Variants in PCDHA6 observed in about 807,000 individuals in gnomAD.
The protein encoded by PCDHA6 is protocadherin alpha 6.
In PCDHA6, 55 loss-of-function variants were observed where a neutral mutation model predicts 60.3. The ratio of observed to expected loss-of-function variants is 0.91; its 90% CI spans 0.73 to 1.14. PCDHA6 has a LOEUF of 1.14. Among genes scored for constraint, PCDHA6 ranks in the 50% most tolerant of loss-of-function variants. The probability of loss-of-function intolerance (pLI) is 0.00; values close to 1 mark genes in which losing one functional copy is unlikely to be tolerated. For missense variants in PCDHA6, 1,327 were observed against 1,256.5 expected, an observed-to-expected ratio of 1.06 and a Z score of -0.85; for synonymous variants, 652 against 557.9, an observed-to-expected ratio of 1.17 and a Z score of -2.38.
At chr5:140,950,237 ATTTG>A (rs782102459) in intron 1 of PCDHA6, among the ~76,000 whole-genome samples, 1 of 151,954 alleles carries the variant, frequency 6.6e-6, no homozygotes, top group Non-Finnish European at 1.5e-5. Flanking sequence ...AGTGCCATTA[ATTTG>A]TTCCTAAAGA....
chr5:140,928,000 G>C, intron 1 of PCDHA6: 1 of 1,614,166 alleles, frequency 6.2e-7, no homozygotes. Flanking sequence ...TGAAGACCTC[G>C]ATTCTAATGG....
rs1205846373 is a variant in PCDHA6 at position 140,858,213 on chromosome 5, C to T, written c.2394+27728C>T. Reference sequence around the variant, plus strand: ...CTGCTGTACACTGCACTGAGGTGCTCGGCGGCGCCCACCGAGGGCGCATGT... The same window carrying T: ...CTGCTGTACACTGCACTGAGGTGCTTGGCGGCGCCCACCGAGGGCGCATGT... On this transcript the variant is annotated intron_variant, in intron 1 of 3. Coordinates refer to ENST00000529310, the MANE Select transcript of PCDHA6 (RefSeq NM_018909.4). 13 of 1,594,002 alleles carry T rather than the reference C, an allele frequency of 8.2e-6. 3 individuals are homozygous for T. Among genetic ancestry groups the T allele is most frequent in the Non-Finnish European group, 1.1e-5 (13 of 1,165,570 alleles).
intron 1 of PCDHA6, among the ~76,000 whole-genome samples, chr5:140,846,576 A>G (rs1780570619): frequency 6.7e-6 from 1 of 148,418 alleles, no homozygotes; most frequent in African/African-American, 2.5e-5. Context: ...GGGTTTCACC[A>G]TGTTAGCCAG....
chr5:140,854,720 C>G (rs2043201249), intron 1 of PCDHA6: 1 of 149,654 alleles, frequency 6.7e-6, no homozygotes, highest in African/African-American at 2.4e-5. Flanking sequence ...AGACAGAAAA[C>G]TCAAGTTTTT....
chr5:140,869,589 T>A, intron 1 of PCDHA6: 1 of 1,614,120 alleles, frequency 6.2e-7, no homozygotes. Context: ...ATGCTGACAT[T>A]GAAGAGAATG....
chr5:140,852,064 C>G, intron 1 of PCDHA6: 1 of 904,052 alleles, frequency 1.1e-6, no homozygotes, highest in Non-Finnish European at 1.3e-6. Flanking sequence ...ATTTTTCTTT[C>G]TCTTTCAGCT....
At chr5:140,876,155 T>A in intron 1 of PCDHA6, 1 of 1,613,994 alleles carries the variant, frequency 6.2e-7, no homozygotes, top group Non-Finnish European at 8.5e-7. Context: ...TCTGTCCAGA[T>A]TCAAATAACC....
intron 1 of PCDHA6, among the ~76,000 whole-genome samples, chr5:140,921,611 A>C (rs781805165): frequency 6.6e-6 from 1 of 152,224 alleles, no homozygotes; most frequent in Non-Finnish European, 1.5e-5. Context: ...AATAAGAAAA[A>C]TATCATCAGA....
At chr5:140,882,644 A>T in intron 1 of PCDHA6, 1 of 1,614,256 alleles carries the variant, frequency 6.2e-7, no homozygotes. Flanking sequence ...GGTGAGGGAC[A>T]TTAACGACAA....
At position 140,828,843 on chromosome 5, in the gene PCDHA6, T is replaced by C. The variant is rs145020293; in HGVS notation, c.752T>C (p.Ile251Thr). The change falls in exon 1 of 4, where the codon ATA becomes ACA. Residue 251 changes from isoleucine to threonine, a missense_variant. Transcript: ENST00000529310. ...TFEQSEYEVR[I>T]FENADNGTTV... ...GAACAGTCTGAATACGAAGTAAGAA[T>C]ATTCGAAAATGCAGACAACGGAACA... 84 of 1,614,196 alleles carry C rather than the reference T, an allele frequency of 5.2e-5. No homozygotes were observed. Among genetic ancestry groups the C allele is most frequent in the Non-Finnish European group, 6.9e-5 (81 of 1,180,038 alleles).
At chr5:140,949,271 TGAAAA>T (rs1377326965) in intron 1 of PCDHA6, among the ~76,000 whole-genome samples, 5 of 151,804 alleles carry the variant, frequency 3.3e-5, no homozygotes, top group Non-Finnish European at 5.9e-5. Flanking sequence ...CACGTGCACT[TGAAAA>T]GAATGTATAT....
chr5:140,879,805 A>G (rs992856039), intron 1 of PCDHA6, among the ~76,000 whole-genome samples: 1 of 152,128 alleles, frequency 6.6e-6, no homozygotes, highest in Non-Finnish European at 1.5e-5. Flanking sequence ...TCCAGTTTCT[A>G]TTGGCTGTTG....
intron 1 of PCDHA6, chr5:140,848,676 C>T: frequency 6.3e-7 from 1 of 1,592,292 alleles, no homozygotes; most frequent in South Asian, 1.1e-5. Flanking sequence ...GGAGCTGGTG[C>T]CGCGCCTGTT....
intron 1 of PCDHA6, chr5:140,929,303 A>G (rs782378312): frequency 1.1e-5 from 17 of 1,586,722 alleles, no homozygotes; most frequent in Non-Finnish European, 1.1e-5. Context: ...AGGAAAGGGG[A>G]TCACGCTAAT....
In PCDHA6 at chr5:140,828,080, G is replaced by A. The variant is rs2150150678; in HGVS notation, c.-12G>A. 2.5e-6 allele frequency: 4 copies of A among 1,580,098 alleles called. No homozygotes were observed. The highest frequency in any genetic ancestry group is 3.4e-6 in the Non-Finnish European group (4 of 1,163,774). ...AGATCTTCTAATGGAAATAAAACCA[G>A]AGGTATTTGACATGGTGTTTACCCC... On this transcript the variant is annotated 5_prime_UTR_variant, in exon 1 of 4. Coordinates refer to ENST00000529310, the MANE Select transcript of PCDHA6 (RefSeq NM_018909.4).
intron 1 of PCDHA6, chr5:140,849,976 T>A: frequency 1.3e-6 from 2 of 1,597,616 alleles, no homozygotes; most frequent in Non-Finnish European, 1.7e-6. Context: ...TCCTACTCGC[T>A]GGTGGAGCGG....
intron 1 of PCDHA6, chr5:140,871,093 G>C: frequency 1.9e-6 from 3 of 1,613,300 alleles, no homozygotes; most frequent in Non-Finnish European, 2.5e-6. Context: ...CACGGCCACC[G>C]TGCTGGTGTC....
At chr5:140,851,190 G>T in intron 1 of PCDHA6, 1 of 1,221,164 alleles carries the variant, frequency 8.2e-7, no homozygotes, top group Non-Finnish European at 1.1e-6. Flanking sequence ...AACCAATTTA[G>T]TTGTTAGTCA....
chr5:141,008,718 T>C (rs2098388409), intron 3 of PCDHA6, among the ~76,000 whole-genome samples: 1 of 152,230 alleles, frequency 6.6e-6, no homozygotes, highest in Non-Finnish European at 1.5e-5. Context: ...TGCTTGAGTG[T>C]ATGTCCAACT....
Sources: gnomAD v4.1 joint callset for allele counts (sites outside exome capture counted in the v4.1 genomes callset) on GRCh38, gnomAD v4.1.1 for gene constraint, MANE v1.5 for transcripts, NCBI Gene and HGNC (gene_info 2026-07-23, HGNC 2026-07-21) for gene names.